CSNK2A2IP: variants seen among roughly 807,000 people sequenced by gnomAD.
The protein encoded by CSNK2A2IP is casein kinase II subunit alpha'-interacting protein.
the CSNK2A2IP span, among the ~76,000 whole-genome samples, chr3:88,427,043 G>A: frequency 1.3e-5 from 2 of 152,074 alleles, no homozygotes; most frequent in Non-Finnish European, 2.9e-5. Flanking sequence ...AGACTTAGAG[G>A]GCTCAGAAGA....
the CSNK2A2IP span, among the ~76,000 whole-genome samples, chr3:88,370,509 A>T: frequency 1.3e-5 from 2 of 150,466 alleles, no homozygotes; most frequent in African/African-American, 2.4e-5. Context: ...ACACATGAGA[A>T]CCCTCCCTTC....
chr3:88,461,207 T>G, the CSNK2A2IP span, among the ~76,000 whole-genome samples: 1 of 152,208 alleles, frequency 6.6e-6, no homozygotes, highest in Non-Finnish European at 1.5e-5. Context: ...TATTCTGCTA[T>G]TGATTGACAG....
chr3:88,353,413 A>G, the CSNK2A2IP span, among the ~76,000 whole-genome samples: 1 of 152,220 alleles, frequency 6.6e-6, no homozygotes, highest in Non-Finnish European at 1.5e-5. Context: ...ACCATTAGAT[A>G]TGAATTTGTT....
At chr3:88,438,495 T>C in the CSNK2A2IP span, among the ~76,000 whole-genome samples, 4 of 152,134 alleles carry the variant, frequency 2.6e-5, no homozygotes, top group Non-Finnish European at 5.9e-5. Flanking sequence ...TCTGTGTAAG[T>C]GCTTCCCCTA....
At chr3:88,407,701 T>C in the CSNK2A2IP span, among the ~76,000 whole-genome samples, 1 of 148,798 alleles carries the variant, frequency 6.7e-6, no homozygotes, top group African/African-American at 2.4e-5. Flanking sequence ...TTGAAGAAAA[T>C]AGTGTGCAAT....
At chr3:88,467,383 C>A in the CSNK2A2IP span, 2 of 398,534 alleles carry the variant, frequency 5.0e-6, no homozygotes, top group Non-Finnish European at 8.8e-6. Context: ...TAGCTACCAT[C>A]GGTTGCCTGC....
At chr3:88,361,783 G>A in the CSNK2A2IP span, among the ~76,000 whole-genome samples, 5 of 151,848 alleles carry the variant, frequency 3.3e-5, no homozygotes, top group Non-Finnish European at 7.4e-5. Flanking sequence ...AACCTTGTAA[G>A]TATATTTCAT....
the CSNK2A2IP span, chr3:88,467,028 G>A: frequency 4.3e-6 from 5 of 1,150,424 alleles, no homozygotes; most frequent in African/African-American, 3.2e-5. Context: ...AGAAGATACA[G>A]CAGTTTTTCC....
At chr3:88,418,207 G>A in the CSNK2A2IP span, among the ~76,000 whole-genome samples, 2 of 152,274 alleles carry the variant, frequency 1.3e-5, no homozygotes, top group Non-Finnish European at 2.9e-5. Context: ...GAATGTTTGA[G>A]AGGGTATATG....
At chr3:88,369,569 T>TA in the CSNK2A2IP span, among the ~76,000 whole-genome samples, 2 of 151,756 alleles carry the variant, frequency 1.3e-5, no homozygotes, top group African/African-American at 4.8e-5. Flanking sequence ...GCTGAATACC[T>TA]AAGGGAAAAT....
At chr3:88,385,244 G>A in the CSNK2A2IP span, among the ~76,000 whole-genome samples, 5,716 of 152,252 alleles carry the variant, frequency 0.038, 261 homozygotes, top group African/African-American at 0.11. Flanking sequence ...GGTGAGGCGG[G>A]AGGAAAACTG....
chr3:88,426,294 C>G, the CSNK2A2IP span, among the ~76,000 whole-genome samples: 3 of 152,060 alleles, frequency 2.0e-5, no homozygotes, highest in Non-Finnish European at 4.4e-5. Flanking sequence ...CTAATGGTCC[C>G]TGGCAAGTGT....
chr3:88,385,376 C>T, the CSNK2A2IP span, among the ~76,000 whole-genome samples: 2 of 152,130 alleles, frequency 1.3e-5, no homozygotes, highest in Admixed American at 6.6e-5. Context: ...ATTTTGCAAA[C>T]ATTTAGGTCT....
chr3:88,383,495 A>G, the CSNK2A2IP span, among the ~76,000 whole-genome samples: 1 of 152,182 alleles, frequency 6.6e-6, no homozygotes, highest in African/African-American at 2.4e-5. Context: ...CATTATTTTT[A>G]GCTCTCTTTC....
the CSNK2A2IP span, among the ~76,000 whole-genome samples, chr3:88,417,978 T>C: frequency 6.6e-6 from 1 of 152,128 alleles, no homozygotes; most frequent in Non-Finnish European, 1.5e-5. Context: ...CTTTGAAAAA[T>C]ATTTTAAAAT....
At chr3:88,384,098 C>T in the CSNK2A2IP span, among the ~76,000 whole-genome samples, 1 of 152,086 alleles carries the variant, frequency 6.6e-6, no homozygotes, top group Non-Finnish European at 1.5e-5. Flanking sequence ...TCCAGAGTGG[C>T]TACCTTGTGT....
the CSNK2A2IP span, among the ~76,000 whole-genome samples, chr3:88,383,398 CAA>C: frequency 6.6e-6 from 1 of 152,082 alleles, no homozygotes; most frequent in Admixed American, 6.5e-5. Context: ...ATGATGATGA[CAA>C]TGCACACTTC....
chr3:88,418,463 T>TGTGTGTGTGCGC, the CSNK2A2IP span, among the ~76,000 whole-genome samples: 1 of 149,536 alleles, frequency 6.7e-6, no homozygotes, highest in African/African-American at 2.5e-5. Context: ...TGTGTGTGTG[T>TGTGTGTGTGCGC]GCGCGCGGGC....
At chr3:88,340,174 T>G in the CSNK2A2IP span, among the ~76,000 whole-genome samples, 1 of 151,976 alleles carries the variant, frequency 6.6e-6, no homozygotes, top group East Asian at 1.9e-4. Flanking sequence ...CTTTCCTTTT[T>G]TCAAAAGAAA....
Sources: gnomAD v4.1 joint callset for allele counts (sites outside exome capture counted in the v4.1 genomes callset) on GRCh38, gnomAD v4.1.1 for gene constraint, MANE v1.5 for transcripts, NCBI Gene and HGNC (gene_info 2026-07-23, HGNC 2026-07-21) for gene names.